The following BBS12 variants were observed in gnomAD, a reference collection of about 807,000 sequenced individuals.
BBS12 encodes the protein chaperonin-containing T-complex member BBS12.
In BBS12, 5 loss-of-function variants were observed where a neutral mutation model predicts 5.6. That is an observed-to-expected ratio of 0.89 (90% CI 0.46 to 1.86). BBS12 has a LOEUF of 1.86. BBS12 is among the 40% of genes most tolerant of loss of function. BBS12 has a pLI of 0.01. For missense variants in BBS12, 748 were observed against 830.4 expected, an observed-to-expected ratio of 0.90 and a Z score of 1.22; for synonymous variants, 308 against 306.8, an observed-to-expected ratio of 1.00 and a Z score of -0.04.
chr4:122,743,150 G>A lies in BBS12; in HGVS notation c.1258G>A (p.Glu420Lys), dbSNP rs765979846. 167 of 1,614,080 alleles carry A rather than the reference G, an allele frequency of 1.0e-4. No individual in the cohort carries two copies. The highest frequency in any genetic ancestry group is 4.9e-4 in the Middle Eastern group (3 of 6,084). The change falls in exon 2 of 2, where the codon GAA becomes AAA. Residue 420 changes from glutamate (E) to lysine (K), a missense_variant. By Grantham distance (56) the Glu-to-Lys change is moderately conservative. Transcript: ENST00000314218. ...TGTCCTGGTACAAGGAAATGTGTCC[G>A]AACGCTTAATTGAAAAATGTATAAA... ...NLVLVQGNVS[E>K]RLIEKCINSK...
the BBS12 span, among the ~76,000 whole-genome samples, chr4:122,701,207 C>A: frequency 1.3e-5 from 2 of 152,144 alleles, no homozygotes; most frequent in Non-Finnish European, 2.9e-5. Flanking sequence ...TCATCCTAGT[C>A]ATTTCTGTAG....
At chr4:122,733,989 C>G (rs1322918779) in intron 1 of BBS12, 3 of 149,362 alleles carry the variant, frequency 2.0e-5, no homozygotes, top group Non-Finnish European at 3.0e-5. Context: ...AAACATGGCA[C>G]ATTTTCCAAA....
intron 1 of BBS12, among the ~76,000 whole-genome samples, chr4:122,737,497 G>A (rs1800800210): frequency 6.6e-6 from 1 of 152,154 alleles, no homozygotes; most frequent in Admixed American, 6.5e-5. Flanking sequence ...ATGTTGTTGT[G>A]AATGAATACT....
At chr4:122,711,825 C>T in the BBS12 span, among the ~76,000 whole-genome samples, 1 of 152,110 alleles carries the variant, frequency 6.6e-6, no homozygotes, top group Non-Finnish European at 1.5e-5. Flanking sequence ...CCTGGTAAAG[C>T]ATTATTTTGG....
Position 122,743,968 on chromosome 4 carries a change from T to C in BBS12, c.2076T>C (p.Thr692=). 1 of 1,613,602 alleles carries C rather than the reference T, an allele frequency of 6.2e-7. No homozygotes were observed. Among genetic ancestry groups the C allele is most frequent in the Non-Finnish European group, 8.5e-7 (1 of 1,179,838 alleles). The change falls in exon 2 of 2, where the codon ACT becomes ACC. Residue 692 remains threonine, a synonymous_variant. Transcript: ENST00000314218. ...TTCAGACAGACAGTGAAATAATTAC[T>C]GGACATGGACACACACAGATAAATT... is the stretch of plus-strand genomic sequence containing the variant. ...LVLQTDSEII[T]GHGHTQINSQ... is the part of the protein sequence containing the mutation.
chr4:122,716,334 C>A, the BBS12 span, among the ~76,000 whole-genome samples: 1 of 151,718 alleles, frequency 6.6e-6, no homozygotes, highest in African/African-American at 2.4e-5. Flanking sequence ...GAATAAAAAG[C>A]AAACATTTTC....
the BBS12 span, among the ~76,000 whole-genome samples, chr4:122,721,343 C>T: frequency 5.3e-5 from 8 of 152,096 alleles, no homozygotes; most frequent in Admixed American, 5.2e-4. Flanking sequence ...GACAATAGCA[C>T]AGTAGATGAG....
At chr4:122,706,300 G>A in the BBS12 span, among the ~76,000 whole-genome samples, 7 of 151,976 alleles carry the variant, frequency 4.6e-5, no homozygotes, top group African/African-American at 1.2e-4. Flanking sequence ...AAATTCTACT[G>A]TAGTCTCAGG....
chr4:122,743,705 A>G lies in BBS12; in HGVS notation c.1813A>G (p.Asn605Asp). ...GAAATACCTTTCAACTCTCCTATAT[A>G]ACACTGCCAATTACTCATCAGAATT... ...WQKYLSTLLY[N>D]TANYSSEFEA... is the part of the protein sequence containing the mutation. The change falls in exon 2 of 2, where the codon AAC becomes GAC. Residue 605 changes from asparagine to aspartate, a missense_variant. Coordinates refer to ENST00000314218, the MANE Select transcript of BBS12 (RefSeq NM_152618.3). The G allele has an allele frequency of 1.2e-6, 2 of 1,614,204 alleles. No homozygotes were observed. Among genetic ancestry groups the G allele is most frequent in the East Asian group, 2.2e-5 (1 of 44,884 alleles).
At chr4:122,725,227 TACC>T in the BBS12 span, among the ~76,000 whole-genome samples, 5 of 152,140 alleles carry the variant, frequency 3.3e-5, no homozygotes, top group Admixed American at 3.3e-4. Context: ...GCCATCAAAA[TACC>T]ACCATAATTC....
At chr4:122,728,153 A>C (rs1004531102), upstream of BBS12, among the ~76,000 whole-genome samples, 5 of 152,216 alleles carry the variant, frequency 3.3e-5, no homozygotes, top group African/African-American at 1.2e-4. Context: ...TTTTAACCCA[A>C]TCACTTCATT....
chr4:122,722,056 ATTTTTACCTTTC>A, the BBS12 span, among the ~76,000 whole-genome samples: 136 of 152,252 alleles, frequency 8.9e-4, no homozygotes, highest in African/African-American at 3.1e-3. Context: ...GAAGCTTTAT[ATTTTTACCTTTC>A]ATATCTAAAT....
chr4:122,712,694 A>G, the BBS12 span, among the ~76,000 whole-genome samples: 34 of 152,200 alleles, frequency 2.2e-4, no homozygotes, highest in Non-Finnish European at 4.4e-4. Context: ...TATAGTGCCA[A>G]TTTCCTATGC....
Position 122,744,041 on chromosome 4 carries a change from CT to C in BBS12, c.*19del. ...ATTTTTGTAGTGTTACTGGCTAAGTCTTTGGAAAATAATTTTTCATAATATG... is the reference window on the plus strand; with the variant it reads ...ATTTTTGTAGTGTTACTGGCTAAGTCTTGGAAAATAATTTTTCATAATATG... On this transcript the variant is annotated 3_prime_UTR_variant, in exon 2 of 2. Transcript: ENST00000314218. 3 of 1,602,294 alleles carry C rather than the reference CT, an allele frequency of 1.9e-6. No individual in the cohort carries two copies. The highest frequency in any genetic ancestry group is 2.6e-6 in the Non-Finnish European group (3 of 1,169,534).
chr4:122,719,202 T>C, the BBS12 span, among the ~76,000 whole-genome samples: 6 of 152,114 alleles, frequency 3.9e-5, no homozygotes, highest in African/African-American at 1.4e-4. Flanking sequence ...AACTTTTCTG[T>C]CTAGCTAAAA....
At chr4:122,726,943 G>A in the BBS12 span, among the ~76,000 whole-genome samples, 1 of 152,076 alleles carries the variant, frequency 6.6e-6, no homozygotes, top group Admixed American at 6.6e-5. Flanking sequence ...TGGACTTTGG[G>A]GACTCAGGGA....
chr4:122,701,566 A>G, the BBS12 span, among the ~76,000 whole-genome samples: 1 of 152,234 alleles, frequency 6.6e-6, no homozygotes. Context: ...GTGAGAGAAG[A>G]TAGTGATTTT....
the BBS12 span, among the ~76,000 whole-genome samples, chr4:122,706,561 C>A: frequency 2.5e-4 from 38 of 152,154 alleles, no homozygotes; most frequent in East Asian, 7.0e-3. Flanking sequence ...CATGGCAAGA[C>A]CCCATCTCAG....
At position 122,742,798 on chromosome 4, in the gene BBS12, C is replaced by T. The variant is rs557013132; in HGVS notation, c.906C>T (p.Gly302=). ...ATCAGAATGCTTGTGTGCAACAAGG[C>T]AACTGTACAAAACCATTTATGTTTG... ...LQYQNACVQQ[G]NCTKPFMFDI... The change falls in exon 2 of 2, where the codon GGC becomes GGT. Residue 302 remains glycine (G), a synonymous_variant. Transcript: ENST00000314218. 7.4e-6 allele frequency: 12 copies of T among 1,614,200 alleles called. No individual in the cohort carries two copies. The highest frequency in any genetic ancestry group is 6.7e-5 in the African/African-American group (5 of 75,052).
Sources: gnomAD v4.1 joint callset for allele counts (sites outside exome capture counted in the v4.1 genomes callset) on GRCh38, gnomAD v4.1.1 for gene constraint, MANE v1.5 for transcripts, NCBI Gene and HGNC (gene_info 2026-07-23, HGNC 2026-07-21) for gene names.